CADM2: variants seen among roughly 807,000 people sequenced by gnomAD.
The protein encoded by CADM2 is cell adhesion molecule 2.
A neutral mutation model predicts 49.8 loss-of-function variants in CADM2; 12 were observed. That is an observed-to-expected ratio of 0.24 (90% confidence interval 0.15 to 0.39). The LOEUF is 0.39. Among genes scored for constraint, CADM2 ranks in the 10% least tolerant of loss-of-function variants. The pLI is 1.00. For missense variants in CADM2, 378 were observed against 492.3 expected (o/e 0.77, Z 2.20); for synonymous variants, 214 against 175.4 (o/e 1.22, Z -1.74).
intron 1 of CADM2, among the ~76,000 whole-genome samples, chr3:85,000,297 T>G (rs1306903986): frequency 6.6e-6 from 1 of 151,852 alleles, no homozygotes; most frequent in Non-Finnish European, 1.5e-5. Flanking sequence ...TTTTTTTGCC[T>G]TTTTATTTTT....
chr3:85,511,893 A>C, intron 1 of CADM2: 1 of 980,538 alleles, frequency 1.0e-6, no homozygotes, highest in East Asian at 1.1e-4. Flanking sequence ...ATCAGACTGC[A>C]TCAAGGTAAA....
chr3:85,032,194 G>A (rs1352280406), intron 1 of CADM2, among the ~76,000 whole-genome samples: 1 of 148,346 alleles, frequency 6.7e-6, no homozygotes, highest in South Asian at 2.1e-4. Context: ...TTTCTAGAAG[G>A]TTTGGTAGTC....
At chr3:85,102,188 T>A (rs2038039813) in intron 1 of CADM2, among the ~76,000 whole-genome samples, 1 of 152,270 alleles carries the variant, frequency 6.6e-6, no homozygotes, top group South Asian at 2.1e-4. Context: ...TTATCTGGGG[T>A]CCCCTCTTTA....
chr3:85,391,651 C>A (rs570784724), intron 1 of CADM2, among the ~76,000 whole-genome samples: 1 of 152,150 alleles, frequency 6.6e-6, no homozygotes, highest in Admixed American at 6.5e-5. Context: ...TTATCTTGGC[C>A]AAAGTGCCAA....
intron 1 of CADM2, among the ~76,000 whole-genome samples, chr3:84,974,084 A>G (rs1474638841): frequency 6.6e-6 from 1 of 152,084 alleles, no homozygotes; most frequent in East Asian, 1.9e-4. Flanking sequence ...TTCCTTTAAT[A>G]TTTAACTTTG....
intron 1 of CADM2, among the ~76,000 whole-genome samples, chr3:85,236,461 C>T (rs904814900): frequency 4.0e-5 from 6 of 151,820 alleles, no homozygotes; most frequent in Admixed American, 1.3e-4. Flanking sequence ...GATATGATTT[C>T]AATTGCATAT....
intron 1 of CADM2, among the ~76,000 whole-genome samples, chr3:85,153,571 C>A (rs1248462468): frequency 6.6e-6 from 1 of 152,204 alleles, no homozygotes; most frequent in Non-Finnish European, 1.5e-5. Flanking sequence ...GAAGCTCCAA[C>A]TGGGTGGAGC....
chr3:85,562,239 G>A (rs927384819), intron 1 of CADM2, among the ~76,000 whole-genome samples: 9 of 151,930 alleles, frequency 5.9e-5, no homozygotes, highest in Admixed American at 1.3e-4. Flanking sequence ...CAGCACTTTC[G>A]GGGGCTGAGA....
intron 8 of CADM2, among the ~76,000 whole-genome samples, chr3:85,964,270 G>A (rs72910589): frequency 0.036 from 5,525 of 151,764 alleles, 334 homozygotes; most frequent in African/African-American, 0.13. Flanking sequence ...TTGATTTTAC[G>A]TTAGTGGTGA....
chr3:86,055,494 T>A (rs1197674095), intron 8 of CADM2, among the ~76,000 whole-genome samples: 1 of 145,440 alleles, frequency 6.9e-6, no homozygotes, highest in Non-Finnish European at 1.5e-5. Flanking sequence ...TTAGAGGGAT[T>A]CTTGCTCTGT....
intron 1 of CADM2, among the ~76,000 whole-genome samples, chr3:85,672,335 G>A (rs1432679773): frequency 6.6e-6 from 1 of 151,692 alleles, no homozygotes; most frequent in African/African-American, 2.4e-5. Flanking sequence ...TGGGACTACA[G>A]GTGCCCGCCA....
chr3:85,802,153 GT>G lies in CADM2; in HGVS notation c.196del (p.Ser66GlnfsTer16). ...AAAATGATAACACCTCCCTCCAGTG[GT>G]CAAATCCAGCTCAACAGACTCTGTA... ...DQNDNTSLQWSNPAQQTLYFD... is the reference protein window; with the variant it reads ...DQNDNTSLQWXNPAQQTLYFD... On this transcript the variant is annotated frameshift_variant, in exon 3 of 10. Coordinates refer to ENST00000383699, the MANE Select transcript of CADM2 (RefSeq NM_001167675.2). LOFTEE classifies it high-confidence loss of function. The G allele has an allele frequency of 6.2e-7, 1 of 1,612,976 alleles. No individual in the cohort carries two copies. Among genetic ancestry groups the G allele is most frequent in the Non-Finnish European group, 8.5e-7 (1 of 1,179,404 alleles).
chr3:85,905,292 C>A (rs1407741068), intron 5 of CADM2, among the ~76,000 whole-genome samples: 1 of 152,082 alleles, frequency 6.6e-6, no homozygotes, highest in East Asian at 1.9e-4. Context: ...GTTAGTCTGT[C>A]TAATTCCAAA....
intron 1 of CADM2, among the ~76,000 whole-genome samples, chr3:85,196,413 A>G (rs2041344556): frequency 6.6e-6 from 1 of 152,022 alleles, no homozygotes; most frequent in African/African-American, 2.4e-5. Context: ...TATGAGTTAC[A>G]TCCTGAAGTA....
chr3:86,069,276 C>A lies in CADM2; in HGVS notation c.*2493C>A, dbSNP rs951873065. 1 of 151,748 alleles carries A rather than the reference C, an allele frequency of 6.6e-6. No homozygotes were observed. The highest frequency in any genetic ancestry group is 2.4e-5 in the African/African-American group (1 of 41,352). The allele number at this position is 151,748 out of a possible 1,614,324, so 9.4% of individuals were successfully genotyped here. A position where few individuals can be genotyped will look rare whatever the true frequency, so the allele number is the denominator to read the frequency against. On this transcript the variant is annotated 3_prime_UTR_variant, in exon 10 of 10. Coordinates refer to ENST00000383699, the MANE Select transcript of CADM2 (RefSeq NM_001167675.2). ...ATTTCATGATTTTTGACTCTTTTAA[C>A]CCTTCAGAGTAATATAAAATCTCAT...
At chr3:85,762,393 A>T (rs183815484) in intron 2 of CADM2, among the ~76,000 whole-genome samples, 23 of 152,060 alleles carry the variant, frequency 1.5e-4, no homozygotes, top group African/African-American at 4.3e-4. Flanking sequence ...ATCAACATTA[A>T]TTTCACAAAT....
At chr3:86,062,079 A>G (rs1363217927) in intron 8 of CADM2, among the ~76,000 whole-genome samples, 1 of 152,140 alleles carries the variant, frequency 6.6e-6, no homozygotes, top group Non-Finnish European at 1.5e-5. Context: ...ATTGATCCAG[A>G]AATACTTTTT....
intron 1 of CADM2, among the ~76,000 whole-genome samples, chr3:85,213,013 G>T (rs1440098135): frequency 6.6e-6 from 1 of 151,518 alleles, no homozygotes; most frequent in Non-Finnish European, 1.5e-5. Flanking sequence ...CTCCCTAGTA[G>T]CTGAGACTAT....
intron 1 of CADM2, among the ~76,000 whole-genome samples, chr3:85,696,976 G>T (rs997080498): frequency 6.6e-6 from 1 of 151,484 alleles, no homozygotes; most frequent in African/African-American, 2.4e-5. Flanking sequence ...TACTATTTAA[G>T]TCTTTGTGAC....
Sources: gnomAD v4.1 joint callset for allele counts (sites outside exome capture counted in the v4.1 genomes callset) on GRCh38, gnomAD v4.1.1 for gene constraint, MANE v1.5 for transcripts, NCBI Gene and HGNC (gene_info 2026-07-23, HGNC 2026-07-21) for gene names.